The following MYCBP2 variants were observed in gnomAD, a reference collection of about 807,000 sequenced individuals.
MYCBP2 encodes MYC binding protein 2.
A neutral mutation model predicts 525.3 loss-of-function variants in MYCBP2; 120 were observed. The observed-to-expected ratio is 0.23, with a 90% CI of 0.20 to 0.27. MYCBP2 has a LOEUF of 0.27. MYCBP2 is among the 10% of genes least tolerant of loss of function. The pLI is 1.00. For synonymous variants in MYCBP2, 1,894 were observed against 1,955.8 expected (o/e 0.97, Z 0.83); for missense variants, 4,149 against 5,657.1 (o/e 0.73, Z 8.55).
intron 1 of MYCBP2, among the ~76,000 whole-genome samples, chr13:77,304,100 C>CAT (rs1221789628): frequency 1.6e-4 from 24 of 152,048 alleles, no homozygotes; most frequent in African/African-American, 5.8e-4. Flanking sequence ...ACAGAACTAC[C>CAT]ATATGATCCA....
At position 77,205,466 on chromosome 13, in the gene MYCBP2, T is replaced by C. The variant is rs200690773; in HGVS notation, c.3715+7A>G. 13 of 1,613,110 alleles carry C rather than the reference T, an allele frequency of 8.1e-6. No homozygotes were observed. The highest frequency in any genetic ancestry group is 1.3e-5 in the African/African-American group (1 of 75,004). On this transcript the variant is annotated splice_region_variant and intron_variant, in intron 25 of 82. Coordinates refer to ENST00000544440, the MANE Select transcript of MYCBP2 (RefSeq NM_015057.5). ...AGACAACATTTCCTAAACCGAAGTATACATACTTTCAAACCTGTTTACCAC... is the reference window on the plus strand; with the variant it reads ...AGACAACATTTCCTAAACCGAAGTACACATACTTTCAAACCTGTTTACCAC...
intron 44 of MYCBP2, among the ~76,000 whole-genome samples, 168 bp from the exon 45 acceptor site, chr13:77,158,277 G>A (rs868079550): frequency 6.6e-6 from 1 of 152,096 alleles, no homozygotes; most frequent in Non-Finnish European, 1.5e-5. Flanking sequence ...TCCTAGGAGA[G>A]AAAAATATGA....
intron 82 of MYCBP2, among the ~76,000 whole-genome samples, chr13:77,049,033 G>C (rs567834616): frequency 6.6e-6 from 1 of 152,204 alleles, no homozygotes; most frequent in South Asian, 2.1e-4. Context: ...TGGCTACAAC[G>C]TGTGACTGAT....
rs1595263856 is a variant in MYCBP2, at chr13:77,189,037, T to C, written c.4165A>G (p.Ser1389Gly). Residue 1389 changes from serine to glycine, a missense_variant, in exon 30 of 83, where the codon AGT becomes GGT. Coordinates refer to ENST00000544440, the MANE Select transcript of MYCBP2 (RefSeq NM_015057.5). ...TTGCCTTTTGAAGCACTGCCATCAC[T>C]GGTTGGAAGTCTAAAGGCAGTAGAC... ...IPQLLYRLPT[S>G]DGSASKGKQQ... 1 of 1,608,888 alleles carries C rather than the reference T, an allele frequency of 6.2e-7. No individual in the cohort carries two copies. Among genetic ancestry groups the C allele is most frequent in the East Asian group, 2.2e-5 (1 of 44,454 alleles).
At chr13:77,324,251 T>C (rs1249150826) in intron 1 of MYCBP2, among the ~76,000 whole-genome samples, 2 of 152,224 alleles carry the variant, frequency 1.3e-5, no homozygotes, top group Non-Finnish European at 2.9e-5. Flanking sequence ...TGTTTCATGA[T>C]TTTCTTCTTA....
chr13:77,195,637 A>C (rs2061687959), intron 26 of MYCBP2, among the ~76,000 whole-genome samples: 1 of 152,088 alleles, frequency 6.6e-6, no homozygotes, highest in South Asian at 2.1e-4. Context: ...TTTCTCTGCC[A>C]TTACTGTATC....
At chr13:77,261,782 C>A (rs1163440083) in intron 11 of MYCBP2, among the ~76,000 whole-genome samples, 2 of 151,918 alleles carry the variant, frequency 1.3e-5, no homozygotes, top group African/African-American at 2.4e-5. Flanking sequence ...ATGATGCCAA[C>A]AGACTTGCTC....
At chr13:77,089,272 T>C (rs1291488996) in intron 60 of MYCBP2, among the ~76,000 whole-genome samples, 1 of 152,126 alleles carries the variant, frequency 6.6e-6, no homozygotes, top group South Asian at 2.1e-4. Flanking sequence ...GAATCTAAAG[T>C]TCACCTTTTC....
intron 1 of MYCBP2, among the ~76,000 whole-genome samples, chr13:77,301,816 G>A (rs576054245): frequency 1.5e-3 from 232 of 152,180 alleles, no homozygotes; most frequent in African/African-American, 5.3e-3. Context: ...AACAATATGT[G>A]TAAAATAATG....
chr13:77,151,746 G>A (rs559133225), intron 46 of MYCBP2, among the ~76,000 whole-genome samples: 1 of 152,168 alleles, frequency 6.6e-6, no homozygotes, highest in Non-Finnish European at 1.5e-5. Context: ...GACTATCTTT[G>A]ATCTACTAAC....
At chr13:77,057,874 T>C (rs977695889) in intron 78 of MYCBP2, among the ~76,000 whole-genome samples, 11 of 147,752 alleles carry the variant, frequency 7.4e-5, no homozygotes, top group Admixed American at 3.4e-4. Context: ...AGTCTCGCTC[T>C]GTCACCAGGC....
intron 1 of MYCBP2, among the ~76,000 whole-genome samples, chr13:77,309,415 G>C (rs1436779437): frequency 6.6e-6 from 1 of 152,114 alleles, no homozygotes; most frequent in Non-Finnish European, 1.5e-5. Flanking sequence ...TCAAAATACA[G>C]GCTAGAACTT....
intron 42 of MYCBP2, 26 bp from the exon 43 acceptor site, chr13:77,164,567 CT>C (rs779904892): frequency 7.1e-7 from 1 of 1,409,724 alleles, no homozygotes; most frequent in South Asian, 1.2e-5. Flanking sequence ...AAATTTGCTG[CT>C]TTAAAAATGT....
chr13:77,155,831 C>T (rs56192033), intron 46 of MYCBP2, among the ~76,000 whole-genome samples: 4,479 of 152,114 alleles, frequency 0.029, 96 homozygotes, highest in East Asian at 0.052. Flanking sequence ...TTTGAGTCCC[C>T]GTAACAGGTA....
chr13:77,116,118 C>T (rs1433698662), intron 55 of MYCBP2, among the ~76,000 whole-genome samples: 1 of 151,784 alleles, frequency 6.6e-6, no homozygotes, highest in Non-Finnish European at 1.5e-5. Flanking sequence ...GTAAAACAGA[C>T]ATAAGAGACA....
chr13:77,045,629 A>G (rs2035397656), intron 82 of MYCBP2, 136 bp from the exon 83 acceptor site: 2 of 636,592 alleles, frequency 3.1e-6, no homozygotes, highest in African/African-American at 3.7e-5. Context: ...AACATTTAGA[A>G]ATTTTTCTTC....
Position 77,288,331 on chromosome 13 carries a change from G to A in MYCBP2, c.424C>T (p.His142Tyr). Reference sequence around the variant, plus strand: ...ATATTGAAAGCAGAAGGATTGCTATGTAGTTTGATATCTGGTATGATTACT... The same window carrying A: ...ATATTGAAAGCAGAAGGATTGCTATATAGTTTGATATCTGGTATGATTACT... Reference protein sequence around the residue: ...NTVIIPDIKLHSNPSAFNIYC... With the variant: ...NTVIIPDIKLYSNPSAFNIYC... The change falls in exon 3 of 83, where the codon CAT (histidine) becomes TAT (tyrosine). Residue 142 changes from histidine (H) to tyrosine (Y), a missense_variant. Physicochemically the swap from His to Tyr is moderately conservative, Grantham distance 83. Coordinates refer to ENST00000544440, the MANE Select transcript of MYCBP2 (RefSeq NM_015057.5). 2.5e-6 allele frequency: 4 copies of A among 1,614,100 alleles called. No homozygotes were observed. The South Asian group carries it at 3.3e-5, about 13-fold the overall frequency.
In MYCBP2 at chr13:77,098,439, T is replaced by C; in HGVS notation, c.8715A>G (p.Pro2905=). ...ATCCAGGGGAATCTGTAGAATCCTTTGGTACTGATTTTGGTTTTGGTGACG... is the reference window on the plus strand; with the variant it reads ...ATCCAGGGGAATCTGTAGAATCCTTCGGTACTGATTTTGGTTTTGGTGACG... ...RSTSPKPKSV[P]KDSTDSPGSE... is the part of the protein sequence containing the mutation. Residue 2905 remains proline (P), a synonymous_variant, in exon 56 of 83, where the codon CCA becomes CCG. Coordinates refer to ENST00000544440, the MANE Select transcript of MYCBP2 (RefSeq NM_015057.5). 6.2e-7 allele frequency: 1 copy of C among 1,613,690 alleles called. No homozygotes were observed. Among genetic ancestry groups the C allele is most frequent in the Non-Finnish European group, 8.5e-7 (1 of 1,179,776 alleles).
intron 1 of MYCBP2, among the ~76,000 whole-genome samples, chr13:77,323,184 A>G (rs2081905664): frequency 6.6e-6 from 1 of 152,228 alleles, no homozygotes; most frequent in Non-Finnish European, 1.5e-5. Flanking sequence ...TATGTAATAT[A>G]CTCAAAGTTA....
Sources: allele counts gnomAD v4.1 joint callset (sites outside exome capture counted in the v4.1 genomes callset), GRCh38; gene constraint gnomAD v4.1.1; transcripts MANE v1.5; gene names NCBI Gene and HGNC (gene_info 2026-07-23, HGNC 2026-07-21).